MAML3: variants seen among roughly 807,000 people sequenced by gnomAD.
MAML3 encodes mastermind like transcriptional coactivator 3.
Under a neutral mutation model 101.9 loss-of-function variants are expected in MAML3, and 27 were observed. The ratio of observed to expected loss-of-function variants is 0.27; its 90% CI spans 0.20 to 0.37. MAML3 has a LOEUF of 0.37. MAML3 is among the 10% of genes least tolerant of loss of function. The probability of loss-of-function intolerance (pLI) is 1.00; values close to 1 mark genes in which losing one functional copy is unlikely to be tolerated. For missense variants in MAML3, 1,316 were observed against 1,444.9 expected, an observed-to-expected ratio of 0.91 and a Z score of 1.45; for synonymous variants, 501 against 555.9, an observed-to-expected ratio of 0.90 and a Z score of 1.39.
At chr4:139,913,157 T>C (rs1732962484) in intron 1 of MAML3, among the ~76,000 whole-genome samples, 1 of 152,172 alleles carries the variant, frequency 6.6e-6, no homozygotes, top group South Asian at 2.1e-4. Flanking sequence ...AAATGAGGCA[T>C]GCATATGAAC....
chr4:140,000,763 C>G (rs1734908763), intron 1 of MAML3, among the ~76,000 whole-genome samples: 1 of 152,182 alleles, frequency 6.6e-6, no homozygotes, highest in Non-Finnish European at 1.5e-5. Flanking sequence ...TGCGGTGGCT[C>G]ACGCTTGTAA....
Position 139,832,094 on chromosome 4 carries a change from CTTTTTTTTTTTTT to C in MAML3, c.2079+57250_2079+57262del, listed in dbSNP as rs70943444. On this transcript the variant is annotated intron_variant, in intron 2 of 4. Coordinates refer to ENST00000509479, the MANE Select transcript of MAML3 (RefSeq NM_018717.5). ...AGGCGTGAGCCATCATGCCCAGCCC[CTTTTTTTTTTTTT>C]TTTTTTTTTTTTTTTGAGACAGAGT... Among the ~76,000 whole-genome samples, 617 of 64,766 alleles carry C rather than the reference CTTTTTTTTTTTTT, an allele frequency of 9.5e-3. 8 individuals carry two copies. The highest frequency in any genetic ancestry group is 0.065 in the East Asian group (87 of 1,340). The allele number at this position is 64,766 out of a possible 152,430, so 42.5% of individuals were successfully genotyped here.
chr4:140,018,262 T>TA (rs1726678083), intron 1 of MAML3, among the ~76,000 whole-genome samples: 1 of 151,110 alleles, frequency 6.6e-6, no homozygotes, highest in Non-Finnish European at 1.5e-5. Context: ...TAACGCATAA[T>TA]AAAAAAACCA....
intron 1 of MAML3, among the ~76,000 whole-genome samples, chr4:140,152,147 C>A (rs987436405): frequency 1.3e-5 from 2 of 152,128 alleles, no homozygotes; most frequent in Non-Finnish European, 2.9e-5. Context: ...CGGGCTAGCC[C>A]CGAGTCGCGA....
At chr4:139,813,818 G>A (rs923381541) in intron 2 of MAML3, among the ~76,000 whole-genome samples, 1 of 152,106 alleles carries the variant, frequency 6.6e-6, no homozygotes, top group South Asian at 2.1e-4. Context: ...GAAAGAAAAA[G>A]AAATGGATTG....
chr4:140,034,069 T>C (rs532407743), intron 1 of MAML3, among the ~76,000 whole-genome samples: 2 of 152,328 alleles, frequency 1.3e-5, no homozygotes, highest in African/African-American at 4.8e-5. Context: ...ACAACAGCTT[T>C]GTATAGCAAC....
chr4:139,879,589 T>C (rs1445122557), intron 2 of MAML3, among the ~76,000 whole-genome samples: 1 of 115,084 alleles, frequency 8.7e-6, no homozygotes, highest in Non-Finnish European at 1.7e-5. Context: ...GTGGTGGTAG[T>C]GGTTGGGAGA....
intron 1 of MAML3, among the ~76,000 whole-genome samples, chr4:139,989,143 G>A (rs965762039): frequency 6.6e-6 from 1 of 152,014 alleles, no homozygotes; most frequent in Non-Finnish European, 1.5e-5. Flanking sequence ...GCTCTGGACG[G>A]GACAGAAGCA....
rs114339404 is a variant in MAML3 at position 139,809,185 on chromosome 4, G to T, written c.2080-78518C>A. On this transcript the variant is annotated intron_variant, in intron 2 of 4. Coordinates refer to ENST00000509479, the MANE Select transcript of MAML3 (RefSeq NM_018717.5). ...TGCCTTTTGTTTTCCCTGTGAAAGAGCTTCTCCTTTGGACTGTGGCATTTG... is the reference window on the plus strand; with the variant it reads ...TGCCTTTTGTTTTCCCTGTGAAAGATCTTCTCCTTTGGACTGTGGCATTTG... Among the ~76,000 whole-genome samples the T allele has an allele frequency of 5.8e-3, 887 of 152,312 alleles. 9 individuals carry two copies. Among genetic ancestry groups the T allele is most frequent in the African/African-American group, 0.02 (821 of 41,566 alleles).
At chr4:140,049,743 C>T (rs1727238016) in intron 1 of MAML3, among the ~76,000 whole-genome samples, 1 of 150,938 alleles carries the variant, frequency 6.6e-6, no homozygotes, top group Non-Finnish European at 1.5e-5. Context: ...GTTATCTAGG[C>T]AAAAAATAAG....
chr4:139,885,914 C>CGG (rs1553962240), intron 2 of MAML3, among the ~76,000 whole-genome samples: 1 of 115,948 alleles, frequency 8.6e-6, no homozygotes, highest in Non-Finnish European at 1.7e-5. Context: ...GCCTGGGCGA[C>CGG]AGGGCAAGAC....
chr4:140,031,471 G>A (rs1726906548), intron 1 of MAML3, among the ~76,000 whole-genome samples: 1 of 152,138 alleles, frequency 6.6e-6, no homozygotes, highest in Admixed American at 6.5e-5. Flanking sequence ...CTGGATGTGA[G>A]GAGACTACAA....
intron 2 of MAML3, among the ~76,000 whole-genome samples, chr4:139,813,479 G>T (rs1730838809): frequency 6.6e-6 from 1 of 152,248 alleles, no homozygotes; most frequent in Admixed American, 6.5e-5. Context: ...TGGCAACCTT[G>T]GAAGCAAGAA....
chr4:140,069,353 G>A (rs1411065423), intron 1 of MAML3, among the ~76,000 whole-genome samples: 1 of 105,610 alleles, frequency 9.5e-6, no homozygotes, highest in African/African-American at 3.1e-5. Context: ...AGAAGGAGAA[G>A]GAGAAGGAGA....
At chr4:139,886,529 C>T (rs1211040678) in intron 2 of MAML3, among the ~76,000 whole-genome samples, 2 of 151,944 alleles carry the variant, frequency 1.3e-5, no homozygotes, top group African/African-American at 4.8e-5. Context: ...CAGTATTTTT[C>T]TACACATATT....
chr4:139,884,142 C>CT lies in MAML3; in HGVS notation c.2079+5214dup, dbSNP rs1732278269. 2.0e-5 allele frequency among the ~76,000 whole-genome samples: 3 copies of CT among 152,116 alleles called. No homozygotes were observed. In the South Asian group the frequency reaches 6.2e-4, roughly 32 times the overall value. ...CAGGTGATCCACCCGACTCGGCCTC[C>CT]TAAAGTGCTGGGATTACAGGCGTGA... is the stretch of plus-strand genomic sequence containing the variant. On this transcript the variant is annotated intron_variant, in intron 2 of 4. Transcript: ENST00000509479.
chr4:139,865,690 C>T (rs1458231502), intron 2 of MAML3, among the ~76,000 whole-genome samples: 3 of 152,200 alleles, frequency 2.0e-5, no homozygotes, highest in Non-Finnish European at 4.4e-5. Context: ...TTAATCTCCT[C>T]ACCAAGTCTT....
chr4:139,798,066 A>G (rs1176307457), intron 2 of MAML3, among the ~76,000 whole-genome samples: 1 of 151,368 alleles, frequency 6.6e-6, no homozygotes, highest in African/African-American at 2.4e-5. Flanking sequence ...GAAAGAAAGA[A>G]AGAAAGAAAG....
chr4:140,121,025 T>C (rs1728598923), intron 1 of MAML3, among the ~76,000 whole-genome samples: 1 of 152,252 alleles, frequency 6.6e-6, no homozygotes, highest in Non-Finnish European at 1.5e-5. Flanking sequence ...TTTCTAAGTT[T>C]ACAGAAGAGT....
Sources: allele counts gnomAD v4.1 joint callset (sites outside exome capture counted in the v4.1 genomes callset), GRCh38; gene constraint gnomAD v4.1.1; transcripts MANE v1.5; gene names NCBI Gene and HGNC (gene_info 2026-07-23, HGNC 2026-07-21).